The following ANKRD11 variants were observed in gnomAD, a reference collection of about 807,000 sequenced individuals.
ANKRD11 encodes the protein ankyrin repeat domain 11.
A neutral mutation model predicts 195.7 loss-of-function variants in ANKRD11; 17 were observed. The observed-to-expected ratio is 0.09, with a 90% confidence interval of 0.06 to 0.13. The LOEUF (loss-of-function observed/expected upper bound fraction) is 0.13. Ranked by LOEUF, ANKRD11 falls within the 10% of genes least tolerant of loss-of-function variation. ANKRD11 has a pLI of 1.00. For synonymous variants in ANKRD11, 1,953 were observed against 1,528.1 expected (o/e 1.28, Z -6.49); for missense variants, 3,735 against 3,566.1 (o/e 1.05, Z -1.21).
chr16:89,306,982 G>A (rs1012000058), intron 3 of ANKRD11, among the ~76,000 whole-genome samples: 9 of 150,464 alleles, frequency 6.0e-5, no homozygotes, highest in African/African-American at 2.2e-4. Context: ...GGAGGGGGAC[G>A]GTGCGACACA....
chr16:89,389,013 C>G (rs1476467447), intron 2 of ANKRD11, among the ~76,000 whole-genome samples: 14 of 152,174 alleles, frequency 9.2e-5, no homozygotes, highest in Non-Finnish European at 8.8e-5. Flanking sequence ...AGCATCCCAT[C>G]AAATATTCTC....
At chr16:89,452,469 A>G (rs1008166473) in intron 1 of ANKRD11, among the ~76,000 whole-genome samples, 6 of 151,904 alleles carry the variant, frequency 3.9e-5, no homozygotes, top group African/African-American at 1.4e-4. Context: ...TCTGTTAGAA[A>G]CCACAGCGGG....
Position 89,280,711 on chromosome 16 carries a change from G to T in ANKRD11, c.5831C>A (p.Thr1944Asn), listed in dbSNP as rs574973974. ...LDEGPFSAVI[T>N]EEPVEWAHPS... is the part of the protein sequence containing the mutation. The stretch of plus-strand genomic sequence containing the variant: ...GTGGGCCCACTCAACGGGCTCCTCG[G>T]TGATGACGGCGCTGAAGGGACCCTC... Residue 1944 changes from threonine (T) to asparagine (N), a missense_variant, in exon 9 of 13, where the codon ACC becomes AAC. Physicochemically the swap from Thr to Asn is moderately conservative, Grantham distance 65. Transcript: ENST00000301030. 3 of 1,613,438 alleles carry T rather than the reference G, an allele frequency of 1.9e-6. No individual in the cohort carries two copies. Among genetic ancestry groups the T allele is most frequent in the Non-Finnish European group, 2.5e-6 (3 of 1,179,924 alleles).
intron 4 of ANKRD11, among the ~76,000 whole-genome samples, chr16:89,292,761 C>T (rs533950468): frequency 3.3e-5 from 5 of 152,214 alleles, no homozygotes; most frequent in Non-Finnish European, 5.9e-5. Context: ...GAGGCAGCCT[C>T]GCCACCGGCC....
chr16:89,479,451 G>A (rs544843234), intron 1 of ANKRD11, among the ~76,000 whole-genome samples: 98 of 151,492 alleles, frequency 6.5e-4, no homozygotes, highest in Admixed American at 3.0e-3. Context: ...TGACCAACAC[G>A]GAGAAACCCC....
intron 2 of ANKRD11, among the ~76,000 whole-genome samples, chr16:89,362,380 G>A (rs945915141): frequency 6.6e-6 from 1 of 152,214 alleles, no homozygotes; most frequent in Non-Finnish European, 1.5e-5. Flanking sequence ...ACCAAAACCT[G>A]AGCTGGAGAG....
chr16:89,287,228 C>T (rs559939067), intron 7 of ANKRD11: 116 of 587,616 alleles, frequency 2.0e-4, no homozygotes, highest in South Asian at 1.2e-3. Context: ...AGGTGCGGCC[C>T]TCCTCGGGTT....
chr16:89,466,038 GC>G (rs1189274694), intron 1 of ANKRD11, among the ~76,000 whole-genome samples: 1 of 152,080 alleles, frequency 6.6e-6, no homozygotes, highest in African/African-American at 2.4e-5. Context: ...AGGTCAGGGT[GC>G]CAATCACAAC....
At chr16:89,328,082 G>A (rs958242780) in intron 2 of ANKRD11, among the ~76,000 whole-genome samples, 16 of 152,334 alleles carry the variant, frequency 1.1e-4, no homozygotes, top group East Asian at 1.9e-4. Context: ...AGAGGTGCAC[G>A]TGGTGAACAA....
At chr16:89,458,545 A>G (rs1471238964) in intron 1 of ANKRD11, among the ~76,000 whole-genome samples, 1 of 152,182 alleles carries the variant, frequency 6.6e-6, no homozygotes, top group African/African-American at 2.4e-5. Context: ...TTTCTTAGGA[A>G]TAACATTTTA....
chr16:89,386,184 G>A (rs1381316319), intron 2 of ANKRD11, among the ~76,000 whole-genome samples: 1 of 152,046 alleles, frequency 6.6e-6, no homozygotes, highest in African/African-American at 2.4e-5. Flanking sequence ...ATCTTTTAAT[G>A]TAAGTTTAAA....
At chr16:89,324,221 T>C in intron 2 of ANKRD11, 1 of 1,192,226 alleles carries the variant, frequency 8.4e-7, no homozygotes, top group Non-Finnish European at 1.1e-6. Context: ...TACTGGCCTC[T>C]GCTTTGCCCC....
chr16:89,321,504 C>T (rs1221799080), intron 2 of ANKRD11, among the ~76,000 whole-genome samples: 2 of 151,760 alleles, frequency 1.3e-5, no homozygotes, highest in African/African-American at 4.8e-5. Context: ...AGCTGCGGGG[C>T]AGGGGCTGCC....
intron 4 of ANKRD11, among the ~76,000 whole-genome samples, chr16:89,296,745 G>A (rs968904307): frequency 3.9e-5 from 6 of 152,216 alleles, no homozygotes; most frequent in African/African-American, 1.4e-4. Flanking sequence ...TCTGGGAGCC[G>A]GAAGGCCGGG....
chr16:89,365,738 T>G (rs2039918488), intron 2 of ANKRD11, among the ~76,000 whole-genome samples: 1 of 152,120 alleles, frequency 6.6e-6, no homozygotes, highest in Non-Finnish European at 1.5e-5. Flanking sequence ...TGTTTTAGGT[T>G]CGGGTTGCAG....
Position 89,268,588 on chromosome 16 carries a change from C to T in ANKRD11, c.7882G>A (p.Val2628Met), listed in dbSNP as rs748055990. ...AVQRMEWQLK[V>M]QELDPAGHKS... ...TGCCCGGCGGGGTCCAGTTCCTGCA[C>T]CTTCAGCTGCCACTCCATCCTCTGC... Residue 2628 changes from valine (V) to methionine (M), a missense_variant, in exon 13 of 13, where the codon GTG becomes ATG. Coordinates refer to ENST00000301030, the MANE Select transcript of ANKRD11 (RefSeq NM_013275.6). 11 of 1,548,716 alleles carry T rather than the reference C, an allele frequency of 7.1e-6. No homozygotes were observed. The highest frequency in any genetic ancestry group is 3.5e-6 in the Non-Finnish European group (4 of 1,145,424).
intron 2 of ANKRD11, chr16:89,323,345 A>G: frequency 7.8e-7 from 1 of 1,288,602 alleles, no homozygotes; most frequent in Non-Finnish European, 1.0e-6. Flanking sequence ...TATGGAAGAG[A>G]AGCACCACTG....
At chr16:89,434,459 G>C (rs2043126645) in intron 1 of ANKRD11, among the ~76,000 whole-genome samples, 1 of 152,222 alleles carries the variant, frequency 6.6e-6, no homozygotes, top group African/African-American at 2.4e-5. Context: ...AGAGAATCCA[G>C]CGAAGTCGCT....
chr16:89,406,446 T>C (rs1348032864), intron 2 of ANKRD11, among the ~76,000 whole-genome samples: 1 of 152,168 alleles, frequency 6.6e-6, no homozygotes, highest in Non-Finnish European at 1.5e-5. Context: ...CAGCAGCTGC[T>C]GAGAAGGCCG....
Sources: allele counts gnomAD v4.1 joint callset (sites outside exome capture counted in the v4.1 genomes callset), GRCh38; gene constraint gnomAD v4.1.1; transcripts MANE v1.5; gene names NCBI Gene and HGNC (gene_info 2026-07-23, HGNC 2026-07-21).